PPFIA2: variants seen among roughly 807,000 people sequenced by gnomAD.
The protein encoded by PPFIA2 is liprin-alpha-2.
In PPFIA2, 46 loss-of-function variants were observed where a neutral mutation model predicts 175.5. The ratio of observed to expected loss-of-function variants is 0.26; its 90% CI spans 0.21 to 0.34. The LOEUF (loss-of-function observed/expected upper bound fraction) is 0.34. Ranked by LOEUF, PPFIA2 falls within the 10% of genes least tolerant of loss-of-function variation. The pLI, the probability that PPFIA2 is intolerant of heterozygous loss-of-function variation, is 1.00. For synonymous variants in PPFIA2, 568 were observed against 511.4 expected (o/e 1.11, Z -1.49); for missense variants, 1,179 against 1,506.1 (o/e 0.78, Z 3.60).
intron 7 of PPFIA2, among the ~76,000 whole-genome samples, chr12:81,414,288 G>A (rs2044540902): frequency 6.6e-6 from 1 of 151,560 alleles, no homozygotes; most frequent in East Asian, 1.9e-4. Flanking sequence ...ATTGCAGGGG[G>A]CTTTTCCTGA....
At chr12:81,597,101 G>C (rs1322309330) in intron 4 of PPFIA2, among the ~76,000 whole-genome samples, 1 of 152,000 alleles carries the variant, frequency 6.6e-6, no homozygotes, top group Non-Finnish European at 1.5e-5. Flanking sequence ...TTAAATGTCA[G>C]GCTGTCTATA....
chr12:81,515,640 T>C (rs943829112), intron 4 of PPFIA2, among the ~76,000 whole-genome samples: 3 of 152,214 alleles, frequency 2.0e-5, no homozygotes, highest in South Asian at 2.1e-4. Flanking sequence ...GAGTGTCATC[T>C]GGATGTTTTA....
At chr12:81,617,782 A>T (rs1483563645) in intron 4 of PPFIA2, among the ~76,000 whole-genome samples, 1 of 152,240 alleles carries the variant, frequency 6.6e-6, no homozygotes, top group Non-Finnish European at 1.5e-5. Context: ...ACCAGCTATA[A>T]GTTGCACACT....
chr12:81,300,358 T>G (rs1399437514), intron 22 of PPFIA2, among the ~76,000 whole-genome samples: 1 of 152,202 alleles, frequency 6.6e-6, no homozygotes, highest in African/African-American at 2.4e-5. Context: ...GTTTTATGCT[T>G]AGGAATATTT....
intron 5 of PPFIA2, among the ~76,000 whole-genome samples, chr12:81,446,327 TATG>T (rs1566867884): frequency 6.6e-6 from 1 of 152,202 alleles, no homozygotes; most frequent in Non-Finnish European, 1.5e-5. Context: ...TGTTAGAATC[TATG>T]ATTTCCCAGA....
At chr12:81,565,584 T>C (rs2071117793) in intron 4 of PPFIA2, among the ~76,000 whole-genome samples, 1 of 152,188 alleles carries the variant, frequency 6.6e-6, no homozygotes. Context: ...TTTCTGAAAG[T>C]ATTTACAATA....
At chr12:81,649,113 TAATC>T (rs1259666965) in intron 4 of PPFIA2, among the ~76,000 whole-genome samples, 1 of 152,070 alleles carries the variant, frequency 6.6e-6, no homozygotes, top group Non-Finnish European at 1.5e-5. Context: ...AAATTGGACT[TAATC>T]AAAATTAAAA....
chr12:81,514,188 A>G (rs1272992800), intron 4 of PPFIA2, among the ~76,000 whole-genome samples: 4 of 151,916 alleles, frequency 2.6e-5, no homozygotes, highest in Non-Finnish European at 5.9e-5. Flanking sequence ...CTGAACAAAT[A>G]CAGTATATAG....
At chr12:81,445,448 C>T (rs2051082149) in intron 6 of PPFIA2, 108 bp downstream of exon 6, 1 of 998,898 alleles carries the variant, frequency 1.0e-6, no homozygotes, top group East Asian at 2.5e-5. Context: ...CAAAAGTGTT[C>T]CTCAACTGAC....
At chr12:81,529,540 G>A (rs1164868868) in intron 4 of PPFIA2, among the ~76,000 whole-genome samples, 1 of 143,564 alleles carries the variant, frequency 7.0e-6, no homozygotes, top group Non-Finnish European at 1.5e-5. Context: ...CACACAAAGA[G>A]TGGCGGGGGG....
intron 14 of PPFIA2, among the ~76,000 whole-genome samples, chr12:81,363,267 T>C (rs1185913235): frequency 1.3e-5 from 2 of 151,270 alleles, no homozygotes; most frequent in Non-Finnish European, 3.0e-5. Context: ...TTGGAGGATT[T>C]TTTTAAAAAA....
chr12:81,503,894 T>C (rs2060854391), intron 4 of PPFIA2, among the ~76,000 whole-genome samples: 2 of 152,028 alleles, frequency 1.3e-5, no homozygotes, highest in African/African-American at 4.8e-5. Flanking sequence ...ATTCTTTTTG[T>C]TACTGTAGCA....
At chr12:81,752,356 C>T (rs985595785) in intron 3 of PPFIA2, among the ~76,000 whole-genome samples, 1 of 152,086 alleles carries the variant, frequency 6.6e-6, no homozygotes, top group African/African-American at 2.4e-5. Flanking sequence ...AGAGAGTAAG[C>T]AGGATGGTGA....
intron 2 of PPFIA2, among the ~76,000 whole-genome samples, chr12:81,757,711 G>A (rs527956181): frequency 3.0e-4 from 45 of 152,276 alleles, no homozygotes; most frequent in African/African-American, 1.1e-3. Context: ...AAGATCCAAT[G>A]TGTTCCTTAA....
At chr12:81,284,735 C>T (rs914825114) in intron 24 of PPFIA2, among the ~76,000 whole-genome samples, 2 of 152,004 alleles carry the variant, frequency 1.3e-5, no homozygotes, top group African/African-American at 4.8e-5. Context: ...AAATTTCCTT[C>T]ACATAATTTT....
intron 28 of PPFIA2, among the ~76,000 whole-genome samples, chr12:81,269,801 T>A (rs1290188218): frequency 6.6e-6 from 1 of 152,216 alleles, no homozygotes; most frequent in African/African-American, 2.4e-5. Context: ...GGCGTGTTCA[T>A]GATCATTGCT....
chr12:81,286,216 C>T (rs1050283918), intron 24 of PPFIA2, among the ~76,000 whole-genome samples: 2 of 148,966 alleles, frequency 1.3e-5, no homozygotes, highest in South Asian at 2.1e-4. Context: ...CAAAAGTTAA[C>T]AAAAAAAAAG....
In PPFIA2 at chr12:81,488,333, C is replaced by G. The variant is rs567419071; in HGVS notation, c.304-30467G>C. Among the ~76,000 whole-genome samples the G allele has an allele frequency of 2.1e-5, 3 of 144,522 alleles. No individual in the cohort carries two copies. The East Asian group carries it at 7.5e-4, about 36-fold the overall frequency. The allele number at this position is 144,522 out of a possible 152,430, so 94.8% of individuals were successfully genotyped here. On this transcript the variant is annotated intron_variant, in intron 4 of 32. Transcript: ENST00000549396. ...TCTCTACCACCACAATTCTTTTCAC[C>G]TGACATTTTGCCATTTTTGGGAGGT...
At chr12:81,551,589 C>T (rs1054505874) in intron 4 of PPFIA2, among the ~76,000 whole-genome samples, 5 of 151,770 alleles carry the variant, frequency 3.3e-5, no homozygotes, top group Admixed American at 1.3e-4. Flanking sequence ...GATAAGCATC[C>T]ATGGATTTTG....
Sources: gnomAD v4.1 joint callset for allele counts (sites outside exome capture counted in the v4.1 genomes callset) on GRCh38, gnomAD v4.1.1 for gene constraint, MANE v1.5 for transcripts, NCBI Gene and HGNC (gene_info 2026-07-23, HGNC 2026-07-21) for gene names.